VPS26A: variants seen among roughly 807,000 people sequenced by gnomAD.
VPS26A encodes VPS26 retromer complex component A.
VPS26A carries 22 observed loss-of-function variants against 42.4 expected under a neutral mutation model. That is an observed-to-expected ratio of 0.52 (90% CI 0.37 to 0.74). The LOEUF (loss-of-function observed/expected upper bound fraction) is 0.74. Ranked by LOEUF, VPS26A falls within the 30% of genes least tolerant of loss-of-function variation. VPS26A has a pLI of 0.00. For missense variants in VPS26A, 276 were observed against 379.2 expected (o/e 0.73, Z 2.26); for synonymous variants, 110 against 123.5 (o/e 0.89, Z 0.73).
intron 5 of VPS26A, among the ~76,000 whole-genome samples, chr10:69,159,386 A>G (rs1841502313): frequency 6.6e-6 from 1 of 152,060 alleles, no homozygotes; most frequent in Non-Finnish European, 1.5e-5. Context: ...ATCTCAAAAA[A>G]AAAAACAAAA....
At chr10:69,168,432 G>A (rs1229428750) in intron 7 of VPS26A, 57 bp from the exon 8 acceptor site, 35 of 1,566,182 alleles carry the variant, frequency 2.2e-5, no homozygotes, top group Middle Eastern at 2.1e-4. Flanking sequence ...AGTCCTACCT[G>A]TTATGTGACT....
chr10:69,170,787 T>C (rs1219922916), intron 8 of VPS26A, among the ~76,000 whole-genome samples: 1 of 152,212 alleles, frequency 6.6e-6, no homozygotes, highest in African/African-American at 2.4e-5. Flanking sequence ...AAGGATTAGA[T>C]AGAAAGGGCT....
At chr10:69,153,117 G>T (rs1353212485) in intron 2 of VPS26A, among the ~76,000 whole-genome samples, 2 of 151,276 alleles carry the variant, frequency 1.3e-5, no homozygotes, top group African/African-American at 4.9e-5. Context: ...CTGGAGTGCA[G>T]TGGTTCACTG....
intron 2 of VPS26A, among the ~76,000 whole-genome samples, chr10:69,140,626 C>G (rs1259517853): frequency 2.6e-5 from 4 of 152,158 alleles, no homozygotes; most frequent in Non-Finnish European, 2.9e-5. Context: ...CTCAGGCGAT[C>G]CACCTGTCTC....
intron 2 of VPS26A, among the ~76,000 whole-genome samples, chr10:69,140,650 G>A (rs1841020782): frequency 6.6e-6 from 1 of 152,182 alleles, no homozygotes; most frequent in Non-Finnish European, 1.5e-5. Flanking sequence ...CTCCCAAAGT[G>A]CTGGGATTAC....
At chr10:69,146,562 T>G (rs1403843460) in intron 2 of VPS26A, among the ~76,000 whole-genome samples, 1 of 152,198 alleles carries the variant, frequency 6.6e-6, no homozygotes, top group Non-Finnish European at 1.5e-5. Flanking sequence ...TTTGTACCCA[T>G]TAAGCGGTAA....
rs879577314 is a variant in VPS26A at position 69,131,354 on chromosome 10, G to A, written c.4-1544G>A. On this transcript the variant is annotated intron_variant, in intron 1 of 8. Transcript: ENST00000263559. ...CATAATCCCAACACTTTGGGAGGCC[G>A]AGGCAGGAGGATTGCTTGAGCCCAG... 5.9e-4 allele frequency among the ~76,000 whole-genome samples: 89 copies of A among 152,018 alleles called. 1 individual carries two copies. Among genetic ancestry groups the A allele is most frequent in the African/African-American group, 2.0e-3 (81 of 41,398 alleles).
chr10:69,162,231 C>T lies in VPS26A; in HGVS notation c.552-175C>T, dbSNP rs558060878. On this transcript the variant is annotated intron_variant, in intron 5 of 8. Coordinates refer to ENST00000263559, the MANE Select transcript of VPS26A (RefSeq NM_004896.5). ...TCTTGAACTCCTGACCTCAAGTGAT[C>T]CGCCCACCCCGGCCTTCCAGAGTGC... 1.9e-4 allele frequency among the ~76,000 whole-genome samples: 29 copies of T among 152,256 alleles called. No individual in the cohort carries two copies. In the South Asian group the frequency reaches 4.4e-3, roughly 23 times the overall value.
chr10:69,169,604 CTTTTT>C (rs145987168), intron 8 of VPS26A, among the ~76,000 whole-genome samples: 1 of 148,040 alleles, frequency 6.8e-6, no homozygotes, highest in Admixed American at 6.7e-5. Flanking sequence ...GCCTCTAATC[CTTTTT>C]TTTTAAGTTT....
rs34984615 is a variant in VPS26A at position 69,135,775 on chromosome 10, G to GA, written c.153+2734dup. Among the ~76,000 whole-genome samples the GA allele has an allele frequency of 7.9e-5, 12 of 151,626 alleles. No individual in the cohort carries two copies. The East Asian group carries it at 2.1e-3, about 27-fold the overall frequency. Reference sequence around the variant, plus strand: ...TTTTTTCATTTTTAATGTTTTTATTGAAAAAACACGTGTAGAAAACCATAT... The same window carrying GA: ...TTTTTTCATTTTTAATGTTTTTATTGAAAAAAACACGTGTAGAAAACCATAT... On this transcript the variant is annotated intron_variant, in intron 2 of 8. Transcript: ENST00000263559.
At chr10:69,127,538 G>A (rs963054664) in intron 1 of VPS26A, among the ~76,000 whole-genome samples, 4 of 149,854 alleles carry the variant, frequency 2.7e-5, no homozygotes, top group African/African-American at 7.4e-5. Context: ...GGGCGAAAGA[G>A]CGAGACTCCA....
At chr10:69,144,970 A>G (rs1339401191) in intron 2 of VPS26A, among the ~76,000 whole-genome samples, 1 of 151,388 alleles carries the variant, frequency 6.6e-6, no homozygotes, top group Non-Finnish European at 1.5e-5. Flanking sequence ...ATCTTTGCCT[A>G]CCCCTTGGGC....
At chr10:69,148,472 A>ACAG (rs954369923) in intron 2 of VPS26A, among the ~76,000 whole-genome samples, 3 of 152,214 alleles carry the variant, frequency 2.0e-5, no homozygotes, top group Non-Finnish European at 2.9e-5. Context: ...ATGGACTATG[A>ACAG]CAGCAGTTGC....
intron 1 of VPS26A, among the ~76,000 whole-genome samples, chr10:69,126,239 T>C (rs1437451017): frequency 1.7e-5 from 1 of 59,820 alleles, no homozygotes. Flanking sequence ...GGTGGGCGGA[T>C]CACCTTGAAG....
chr10:69,139,174 A>G (rs1017453891), intron 2 of VPS26A, among the ~76,000 whole-genome samples: 5 of 152,190 alleles, frequency 3.3e-5, no homozygotes, highest in Non-Finnish European at 7.3e-5. Flanking sequence ...TCCTCAGGAA[A>G]TGCTCATGGG....
At chr10:69,133,151 G>C in intron 2 of VPS26A, 104 bp downstream of exon 2, 13 of 1,192,252 alleles carry the variant, frequency 1.1e-5, no homozygotes, top group Non-Finnish European at 1.5e-5. Context: ...ATGAGGGAGA[G>C]AGATTTTTTT....
At chr10:69,156,712 C>T (rs1841435697) in intron 3 of VPS26A, among the ~76,000 whole-genome samples, 1 of 152,114 alleles carries the variant, frequency 6.6e-6, no homozygotes, top group Non-Finnish European at 1.5e-5. Context: ...AGGGGAAGTT[C>T]AAATAATTGC....
At chr10:69,143,758 C>T (rs1424223040) in intron 2 of VPS26A, among the ~76,000 whole-genome samples, 3 of 152,024 alleles carry the variant, frequency 2.0e-5, no homozygotes, top group Middle Eastern at 3.2e-3. Flanking sequence ...GCTGTGTCAC[C>T]CAGGCTGGAG....
At chr10:69,167,607 G>A (rs1841718608) in intron 7 of VPS26A, among the ~76,000 whole-genome samples, 1 of 151,798 alleles carries the variant, frequency 6.6e-6, no homozygotes, top group South Asian at 2.1e-4. Context: ...GCAGGGCATG[G>A]TGGCAGGTGC....
Sources: allele counts gnomAD v4.1 joint callset (sites outside exome capture counted in the v4.1 genomes callset), GRCh38; gene constraint gnomAD v4.1.1; transcripts MANE v1.5; gene names NCBI Gene and HGNC (gene_info 2026-07-23, HGNC 2026-07-21).